DCAF1: variants seen among roughly 807,000 people sequenced by gnomAD.
DCAF1 encodes DDB1 and CUL4 associated factor 1, also known as DDB1- and CUL4-associated factor 1.
In DCAF1, 15 loss-of-function variants were observed where a neutral mutation model predicts 128.0. The observed-to-expected ratio is 0.12, with a 90% CI of 0.08 to 0.18. The LOEUF is 0.18. DCAF1 is among the 10% of genes least tolerant of loss of function. The pLI, the probability that DCAF1 is intolerant of heterozygous loss-of-function variation, is 1.00. For synonymous variants in DCAF1, 610 were observed against 603.0 expected (o/e 1.01, Z -0.17); for missense variants, 988 against 1,649.5 (o/e 0.60, Z 6.95).
At chr3:51,493,924 G>A (rs1040942723) in intron 2 of DCAF1, among the ~76,000 whole-genome samples, 11 of 150,822 alleles carry the variant, frequency 7.3e-5, no homozygotes, top group African/African-American at 2.7e-4. Flanking sequence ...TTGAACCTGG[G>A]AGGCGGAGGT....
At chr3:51,401,917 C>G (rs1205256958) in intron 24 of DCAF1, among the ~76,000 whole-genome samples, 1 of 152,212 alleles carries the variant, frequency 6.6e-6, no homozygotes, top group Non-Finnish European at 1.5e-5. Flanking sequence ...TATGAAAAAA[C>G]AGAAGTTGAT....
intron 13 of DCAF1, among the ~76,000 whole-genome samples, chr3:51,424,207 C>T (rs1699697990): frequency 6.6e-6 from 1 of 151,912 alleles, no homozygotes; most frequent in South Asian, 2.1e-4. Context: ...CAAGACCAGC[C>T]TGGCCAATAT....
chr3:51,422,495 G>A, intron 13 of DCAF1, 64 bp from the exon 14 acceptor site: 1 of 712,152 alleles, frequency 1.4e-6, no homozygotes, highest in Non-Finnish European at 2.6e-6. Context: ...GAGAGACAGA[G>A]AGAGAGACAC....
chr3:51,446,147 A>G (rs1701830408), intron 6 of DCAF1, among the ~76,000 whole-genome samples: 1 of 151,808 alleles, frequency 6.6e-6, no homozygotes, highest in South Asian at 2.1e-4. Context: ...GTGCACACCA[A>G]CCACACCCAG....
chr3:51,493,406 T>C (rs537761415), intron 2 of DCAF1, among the ~76,000 whole-genome samples: 11 of 151,456 alleles, frequency 7.3e-5, no homozygotes, highest in South Asian at 2.1e-4. Flanking sequence ...GATTACGCCA[T>C]TGCACTCCAG....
chr3:51,441,185 TG>T, intron 8 of DCAF1, 114 bp from the exon 9 acceptor site: 6 of 1,187,964 alleles, frequency 5.1e-6, no homozygotes, highest in Non-Finnish European at 7.2e-6. Context: ...CCTCCCTCCC[TG>T]TGAAGATAAA....
At chr3:51,479,729 G>A (rs1423517521) in intron 3 of DCAF1, among the ~76,000 whole-genome samples, 1 of 152,172 alleles carries the variant, frequency 6.6e-6, no homozygotes, top group Non-Finnish European at 1.5e-5. Flanking sequence ...CTGGGAGGCA[G>A]AGCTTGCAGT....
At chr3:51,498,049 CAAAAAAAAAAAAAAAA>C (rs56734063) in intron 1 of DCAF1, among the ~76,000 whole-genome samples, 10 of 20,810 alleles carry the variant, frequency 4.8e-4, no homozygotes, top group South Asian at 3.6e-3. Flanking sequence ...GACTCTGTCT[CAAAAAAAAAAAAAAAA>C]AAAAAAAAAA....
chr3:51,466,202 A>G (rs1455878913), intron 5 of DCAF1, among the ~76,000 whole-genome samples: 1 of 152,140 alleles, frequency 6.6e-6, no homozygotes, highest in Non-Finnish European at 1.5e-5. Context: ...ACCCTGTCTC[A>G]AAAGGAAGAA....
chr3:51,494,484 T>A (rs1708023363), intron 2 of DCAF1, among the ~76,000 whole-genome samples: 2 of 152,118 alleles, frequency 1.3e-5, no homozygotes, highest in South Asian at 4.1e-4. Context: ...ACACTGTGAA[T>A]CTACAAACGC....
At chr3:51,481,048 G>A (rs1234512797) in intron 3 of DCAF1, among the ~76,000 whole-genome samples, 6 of 152,154 alleles carry the variant, frequency 3.9e-5, no homozygotes, top group Non-Finnish European at 7.4e-5. Context: ...GTTTTCTAAG[G>A]AGAAGGTCAC....
rs782072709 is a variant in DCAF1, at chr3:51,420,115, G to C, written c.2855C>G (p.Pro952Arg). ...GATAAAACTGATTCTACCAATCAAA[G>C]GGGAGTTGCCTGCATAAGATGGGCC... ...LPGPSYAGNSPLIGRISFIRE... is the reference protein window; with the variant it reads ...LPGPSYAGNSRLIGRISFIRE... The change falls in exon 15 of 25, where the codon CCT (proline) becomes CGT (arginine). Residue 952 changes from proline (P) to arginine (R), a missense_variant. By Grantham distance (103) the Pro-to-Arg change is moderately radical. Coordinates refer to ENST00000684031, the MANE Select transcript of DCAF1 (RefSeq NM_001387579.1). This position sits in a 1 kb window ranked among gnomAD's most constrained non-coding sequence, Gnocchi z 6.5. 1 of 1,614,040 alleles carries C rather than the reference G, an allele frequency of 6.2e-7. No homozygotes were observed. Among genetic ancestry groups the C allele is most frequent in the South Asian group, 1.1e-5 (1 of 91,086 alleles).
At chr3:51,408,712 C>T (rs1160135958) in intron 23 of DCAF1, among the ~76,000 whole-genome samples, 1 of 152,184 alleles carries the variant, frequency 6.6e-6, no homozygotes, top group Non-Finnish European at 1.5e-5. Context: ...AAGAGACCTA[C>T]TCAAATAGAT....
chr3:51,419,359 CAAA>C (rs11381682), intron 15 of DCAF1, among the ~76,000 whole-genome samples: 18 of 131,418 alleles, frequency 1.4e-4, no homozygotes, highest in Admixed American at 7.7e-4. Context: ...ACTCCGTCTC[CAAA>C]AAAAAAAAAA....
At chr3:51,481,010 A>C (rs1418104590) in intron 3 of DCAF1, among the ~76,000 whole-genome samples, 2 of 152,166 alleles carry the variant, frequency 1.3e-5, no homozygotes, top group East Asian at 3.9e-4. Context: ...AAGAGTGAAA[A>C]GTAAAGGCTG....
chr3:51,445,072 G>T, intron 6 of DCAF1, among the ~76,000 whole-genome samples: 1 of 151,968 alleles, frequency 6.6e-6, no homozygotes, highest in African/African-American at 2.4e-5. Flanking sequence ...CTACTACCCA[G>T]CTTAAAAAAT....
chr3:51,428,783 CA>C (rs1371173686), intron 12 of DCAF1, among the ~76,000 whole-genome samples: 2 of 151,832 alleles, frequency 1.3e-5, no homozygotes, highest in Admixed American at 1.3e-4. Flanking sequence ...TGCTTGAGTC[CA>C]GGAGTTCCAA....
intron 8 of DCAF1, 139 bp from the exon 9 acceptor site, chr3:51,441,210 T>A: frequency 8.5e-7 from 1 of 1,169,628 alleles, no homozygotes; most frequent in East Asian, 2.6e-5. Flanking sequence ...GTAAATGCAC[T>A]TTAATCAAAT....
intron 3 of DCAF1, among the ~76,000 whole-genome samples, chr3:51,472,765 A>G (rs1427535118): frequency 6.6e-6 from 1 of 151,734 alleles, no homozygotes; most frequent in Non-Finnish European, 1.5e-5. Context: ...CCCAGGTTCA[A>G]GCGATTCTGC....
Sources: allele counts gnomAD v4.1 joint callset (sites outside exome capture counted in the v4.1 genomes callset), GRCh38; gene constraint gnomAD v4.1.1; non-coding constraint Gnocchi (gnomAD v3.1); transcripts MANE v1.5; gene names NCBI Gene and HGNC (gene_info 2026-07-23, HGNC 2026-07-21).